RAPGEF4: variants seen among roughly 807,000 people sequenced by gnomAD.
The protein encoded by RAPGEF4 is Rap guanine nucleotide exchange factor 4, also known as RAP guanine-nucleotide-exchange factor (GEF) 4.
Under a neutral mutation model 147.9 loss-of-function variants are expected in RAPGEF4, and 66 were observed. The observed-to-expected ratio is 0.45, with a 90% confidence interval of 0.37 to 0.55. The LOEUF (loss-of-function observed/expected upper bound fraction) is 0.55, where lower values mean the gene tolerates loss of function less well. RAPGEF4 is among the 20% of genes least tolerant of loss of function. RAPGEF4 has a pLI of 0.00. For synonymous variants in RAPGEF4, 419 were observed against 442.7 expected, an observed-to-expected ratio of 0.95 and a Z score of 0.67; for missense variants, 1,071 against 1,257.3, an observed-to-expected ratio of 0.85 and a Z score of 2.24.
At chr2:173,011,170 G>GCACACA (rs1553548086) in intron 17 of RAPGEF4, among the ~76,000 whole-genome samples, 33 of 133,554 alleles carry the variant, frequency 2.5e-4, no homozygotes, top group East Asian at 8.8e-4. Flanking sequence ...GCGCGCGCGC[G>GCACACA]CACACACACA....
At chr2:172,856,130 A>G (rs957813756) in intron 4 of RAPGEF4, among the ~76,000 whole-genome samples, 3 of 152,066 alleles carry the variant, frequency 2.0e-5, no homozygotes, top group Non-Finnish European at 2.9e-5. Context: ...ATTGATCCCT[A>G]AGGCCTTCTT....
At chr2:172,754,629 G>T (rs1405506150) in intron 1 of RAPGEF4, among the ~76,000 whole-genome samples, 1 of 152,190 alleles carries the variant, frequency 6.6e-6, no homozygotes, top group Non-Finnish European at 1.5e-5. Flanking sequence ...TGGGGAATTG[G>T]AACCCCAGTC....
intron 4 of RAPGEF4, among the ~76,000 whole-genome samples, chr2:172,836,730 A>G (rs1381693770): frequency 6.6e-6 from 1 of 152,222 alleles, no homozygotes; most frequent in Non-Finnish European, 1.5e-5. Context: ...AAGCCAGGAA[A>G]TACAACGAGG....
At chr2:172,986,867 T>G (rs1575449645) in intron 12 of RAPGEF4, among the ~76,000 whole-genome samples, 1 of 152,070 alleles carries the variant, frequency 6.6e-6, no homozygotes, top group Non-Finnish European at 1.5e-5. Context: ...CTAATTTTTT[T>G]TTTGTATTTT....
At chr2:172,849,032 T>G (rs1692528760) in intron 4 of RAPGEF4, among the ~76,000 whole-genome samples, 1 of 152,104 alleles carries the variant, frequency 6.6e-6, no homozygotes, top group African/African-American at 2.4e-5. Flanking sequence ...AAACTTACAT[T>G]GATAAATAGA....
At chr2:172,804,563 G>A (rs574729727) in intron 3 of RAPGEF4, among the ~76,000 whole-genome samples, 2 of 152,116 alleles carry the variant, frequency 1.3e-5, no homozygotes, top group African/African-American at 4.8e-5. Flanking sequence ...GCCTGGGAAC[G>A]GGGAGTACCT....
At chr2:172,910,184 C>T (rs1165309142) in intron 4 of RAPGEF4, among the ~76,000 whole-genome samples, 1 of 152,218 alleles carries the variant, frequency 6.6e-6, no homozygotes, top group African/African-American at 2.4e-5. Context: ...CTATTTTAGG[C>T]CACATAGACA....
At position 172,896,624 on chromosome 2, in the gene RAPGEF4, G is replaced by A. The variant is rs1219279615; in HGVS notation, c.445-21178G>A. On this transcript the variant is annotated intron_variant, in intron 4 of 30. Transcript: ENST00000397081. Reference sequence around the variant, plus strand: ...TTTTGGTTAAGTTCCCTGAATGAGCGTAGTGAAAATTAGTTTCTTTTGGAA... The same window carrying A: ...TTTTGGTTAAGTTCCCTGAATGAGCATAGTGAAAATTAGTTTCTTTTGGAA... Among the ~76,000 whole-genome samples, 5 of 150,562 alleles carry A rather than the reference G, an allele frequency of 3.3e-5. No individual in the cohort carries two copies. In the East Asian group the frequency reaches 9.8e-4, roughly 29 times the overall value.
At chr2:173,006,795 T>G (rs1348938259) in intron 17 of RAPGEF4, among the ~76,000 whole-genome samples, 1 of 152,228 alleles carries the variant, frequency 6.6e-6, no homozygotes, top group Non-Finnish European at 1.5e-5. Context: ...TTTAGGAACA[T>G]TTTTTAGATT....
chr2:172,809,632 G>C (rs1292256097), intron 3 of RAPGEF4, among the ~76,000 whole-genome samples: 1 of 152,110 alleles, frequency 6.6e-6, no homozygotes, highest in Non-Finnish European at 1.5e-5. Flanking sequence ...CTGGAATTAA[G>C]GGATCCTCCT....
At chr2:173,034,206 T>C (rs1195679395) in intron 27 of RAPGEF4, among the ~76,000 whole-genome samples, 1 of 152,212 alleles carries the variant, frequency 6.6e-6, no homozygotes, top group Non-Finnish European at 1.5e-5. Context: ...AAAAGCAGTG[T>C]AATAGCGTCC....
Position 173,020,718 on chromosome 2 carries a change from A to T in RAPGEF4, c.2253+3A>T. Reference sequence around the variant, plus strand: ...CGCGAGAGCAATTCGATTCACTGGTAGGTGTGGATGGCCTGCTCAGAGCAG... The same window carrying T: ...CGCGAGAGCAATTCGATTCACTGGTTGGTGTGGATGGCCTGCTCAGAGCAG... On this transcript the variant is annotated splice_donor_region_variant and intron_variant, in intron 23 of 30. Transcript: ENST00000397081. 1 of 1,611,200 alleles carries T rather than the reference A, an allele frequency of 6.2e-7. No individual in the cohort carries two copies.
intron 1 of RAPGEF4, among the ~76,000 whole-genome samples, chr2:172,755,935 A>G (rs1191406955): frequency 7.9e-5 from 12 of 152,194 alleles, no homozygotes; most frequent in Non-Finnish European, 2.9e-5. Flanking sequence ...CATCACTTGT[A>G]GACTCATGTA....
chr2:172,746,264 T>C (rs978750640), intron 1 of RAPGEF4, among the ~76,000 whole-genome samples: 17 of 152,234 alleles, frequency 1.1e-4, no homozygotes, highest in African/African-American at 4.8e-5. Flanking sequence ...TCCATTGCTT[T>C]ATTTCATTTC....
chr2:172,789,314 C>T (rs576878971), intron 1 of RAPGEF4, among the ~76,000 whole-genome samples: 4 of 152,286 alleles, frequency 2.6e-5, no homozygotes, highest in East Asian at 3.9e-4. Flanking sequence ...TTCACTTTGC[C>T]GTATTCTATT....
chr2:172,794,891 G>T lies in RAPGEF4; in HGVS notation c.66-134G>T, dbSNP rs1462852312. On this transcript the variant is annotated intron_variant, in intron 1 of 30. Transcript: ENST00000397081. ...GCCCAGAAATACCTATAAGGGGGTG[G>T]ATAAATATTTGCAATGAAATATTCA... 8 of 905,092 alleles carry T rather than the reference G, an allele frequency of 8.8e-6. No homozygotes were observed. In the African/African-American group the frequency reaches 1.3e-4, roughly 15 times the overall value. The allele number at this position is 905,092 out of a possible 1,614,324, so 56.1% of individuals were successfully genotyped here. A position where few individuals can be genotyped will look rare whatever the true frequency, so the allele number is the denominator to read the frequency against.
intron 6 of RAPGEF4, among the ~76,000 whole-genome samples, chr2:172,946,877 C>T (rs1368415307): frequency 6.6e-6 from 1 of 152,216 alleles, no homozygotes; most frequent in African/African-American, 2.4e-5. Flanking sequence ...CTGACACTGA[C>T]AGGTGACAAG....
intron 4 of RAPGEF4, among the ~76,000 whole-genome samples, chr2:172,846,650 T>C (rs1193066075): frequency 6.6e-6 from 1 of 152,186 alleles, no homozygotes; most frequent in African/African-American, 2.4e-5. Context: ...TGAATAGCCC[T>C]CATGGTGAAC....
chr2:172,877,527 A>AT (rs1234366422), intron 4 of RAPGEF4, among the ~76,000 whole-genome samples: 2 of 141,400 alleles, frequency 1.4e-5, no homozygotes, highest in Non-Finnish European at 1.6e-5. Context: ...AACTTAAAGT[A>AT]TAAAAAAAAA....
Sources: gnomAD v4.1 joint callset for allele counts (sites outside exome capture counted in the v4.1 genomes callset) on GRCh38, gnomAD v4.1.1 for gene constraint, MANE v1.5 for transcripts, NCBI Gene and HGNC (gene_info 2026-07-23, HGNC 2026-07-21) for gene names.